GPR21: variants seen among roughly 807,000 people sequenced by gnomAD.
GPR21 encodes the protein probable G protein-coupled receptor 21.
A neutral mutation model predicts 21.5 loss-of-function variants in GPR21; 9 were observed. The ratio of observed to expected loss-of-function variants is 0.42; its 90% CI spans 0.25 to 0.73. The LOEUF (loss-of-function observed/expected upper bound fraction) is 0.73, where lower values mean the gene tolerates loss of function less well. GPR21 is among the 30% of genes least tolerant of loss of function. The pLI is 0.27. For missense variants in GPR21, 416 were observed against 428.9 expected (o/e 0.97, Z 0.27); for synonymous variants, 169 against 159.3 (o/e 1.06, Z -0.46).
chr9:123,037,198 T>C (rs1028628226), downstream of GPR21, among the ~76,000 whole-genome samples: 1 of 152,234 alleles, frequency 6.6e-6, no homozygotes, highest in Non-Finnish European at 1.5e-5. Flanking sequence ...TGGATATTTA[T>C]AAAGCAGGCA....
At chr9:123,038,652 G>A (rs1185920226), downstream of GPR21, among the ~76,000 whole-genome samples, 3 of 151,992 alleles carry the variant, frequency 2.0e-5, no homozygotes, top group East Asian at 5.8e-4. Flanking sequence ...CTGTGGCATT[G>A]AGATTTTTTG....
chr9:123,048,043 G>A, the GPR21 span, among the ~76,000 whole-genome samples: 22 of 145,758 alleles, frequency 1.5e-4, no homozygotes, highest in Non-Finnish European at 2.5e-4. Context: ...AGGTTCAAGC[G>A]ATTCTCCTGC....
At chr9:123,047,177 A>G in the GPR21 span, among the ~76,000 whole-genome samples, 1 of 152,258 alleles carries the variant, frequency 6.6e-6, no homozygotes, top group Non-Finnish European at 1.5e-5. Flanking sequence ...ACTTTCAGCC[A>G]AACGAGTTAA....
In GPR21 at chr9:123,034,702, A is replaced by G; in HGVS notation, c.136A>G (p.Asn46Asp). The G allele has an allele frequency of 6.2e-7, 1 of 1,613,664 alleles. No individual in the cohort carries two copies. The highest frequency in any genetic ancestry group is 8.5e-7 in the Non-Finnish European group (1 of 1,179,544). The change falls in exon 2 of 2, where the codon AAC (asparagine) becomes GAC (aspartate). Residue 46 changes from asparagine to aspartate, a missense_variant. Physicochemically the swap from Asn to Asp is conservative, Grantham distance 23. Transcript: ENST00000616002. ...TCTAACTGTATTGATTATTTCTGGCAACATCATTGTGATTTTTGTATTTCA... is the reference window on the plus strand; with the variant it reads ...TCTAACTGTATTGATTATTTCTGGCGACATCATTGTGATTTTTGTATTTCA... ...VFLTVLIISG[N>D]IIVIFVFHCA...
At chr9:123,043,963 C>T in the GPR21 span, among the ~76,000 whole-genome samples, 12 of 148,278 alleles carry the variant, frequency 8.1e-5, no homozygotes, top group Non-Finnish European at 1.2e-4. Flanking sequence ...TGCAATGGCG[C>T]GATCTCGGCT....
At position 123,034,466 on chromosome 9, in the gene GPR21, A is replaced by T; in HGVS notation, c.-101A>T. The T allele has an allele frequency of 1.4e-6, 1 of 727,624 alleles. No homozygotes were observed. The highest frequency in any genetic ancestry group is 2.4e-6 in the Non-Finnish European group (1 of 425,438). 45.1% of individuals were successfully genotyped at this position (727,624 alleles called of 1,614,324 possible). On this transcript the variant is annotated 5_prime_UTR_variant, in exon 2 of 2. Transcript: ENST00000616002. ...GGAGTAAGGCTCCTCTGGCATTATT[A>T]CACACATGCAAAGCTGACCGCAATG... is the stretch of plus-strand genomic sequence containing the variant.
At chr9:123,041,301 C>G in the GPR21 span, among the ~76,000 whole-genome samples, 3 of 152,154 alleles carry the variant, frequency 2.0e-5, no homozygotes, top group African/African-American at 7.2e-5. Context: ...ACTCCAAAGC[C>G]TATGTTCTTG....
At chr9:123,042,822 A>T in the GPR21 span, among the ~76,000 whole-genome samples, 94,968 of 152,156 alleles carry the variant, frequency 0.62, 36,805 homozygotes, top group Non-Finnish European at 0.86. Flanking sequence ...TCATAATGAA[A>T]AGGCCCATTT....
chr9:123,047,557 T>C, the GPR21 span, among the ~76,000 whole-genome samples: 2 of 152,214 alleles, frequency 1.3e-5, no homozygotes, highest in Non-Finnish European at 2.9e-5. Context: ...GGTTTACTTA[T>C]AGCTTTATAC....
the GPR21 span, among the ~76,000 whole-genome samples, chr9:123,043,741 TA>T: frequency 5.3e-5 from 8 of 151,940 alleles, no homozygotes; most frequent in African/African-American, 1.9e-4. Flanking sequence ...AATAGCAACT[TA>T]AGCATTTTAT....
chr9:123,045,274 C>T, the GPR21 span, among the ~76,000 whole-genome samples: 8 of 152,232 alleles, frequency 5.3e-5, no homozygotes, highest in South Asian at 1.7e-3. Flanking sequence ...ACGGAGGAAA[C>T]CTCAACTGCC....
the GPR21 span, among the ~76,000 whole-genome samples, chr9:123,044,887 G>A: frequency 2.0e-5 from 3 of 151,980 alleles, no homozygotes; most frequent in African/African-American, 4.8e-5. Flanking sequence ...ATGAGATTTC[G>A]TAAAGTATCC....
chr9:123,048,374 G>A, the GPR21 span, among the ~76,000 whole-genome samples: 1 of 152,134 alleles, frequency 6.6e-6, no homozygotes, highest in African/African-American at 2.4e-5. Context: ...GCATTTTCTT[G>A]GAAATAATCC....
chr9:123,035,183 T>C lies in GPR21; in HGVS notation c.617T>C (p.Ile206Thr), dbSNP rs139753767. The change falls in exon 2 of 2, where the codon ATT becomes ACT. Residue 206 changes from isoleucine to threonine, a missense_variant. Transcript: ENST00000616002. ...ATGTTATATGCCCCAGCAGCCCTTA[T>C]TGTCTGCTTCACCTATTTCAACATC... ...VMMLYAPAALIVCFTYFNIFR... is the reference protein window; with the variant it reads ...VMMLYAPAALTVCFTYFNIFR... 192 of 1,613,978 alleles carry C rather than the reference T, an allele frequency of 1.2e-4. No homozygotes were observed. In the African/African-American group the frequency reaches 2.3e-3, roughly 19 times the overall value.
the GPR21 span, among the ~76,000 whole-genome samples, chr9:123,041,848 T>C: frequency 6.6e-6 from 1 of 152,136 alleles, no homozygotes; most frequent in Non-Finnish European, 1.5e-5. Context: ...AAAACAAGAA[T>C]TGATAGAAGC....
At chr9:123,042,602 C>T in the GPR21 span, among the ~76,000 whole-genome samples, 1 of 151,966 alleles carries the variant, frequency 6.6e-6, no homozygotes, top group African/African-American at 2.4e-5. Context: ...TTGTTTGTTT[C>T]AGTAAGCAGG....
chr9:123,041,540 G>C, the GPR21 span, among the ~76,000 whole-genome samples: 1 of 152,140 alleles, frequency 6.6e-6, no homozygotes, highest in Non-Finnish European at 1.5e-5. Context: ...CAGACCTCCT[G>C]CTAAATGTAG....
chr9:123,034,396 T>C lies in GPR21; in HGVS notation c.-171T>C. 1 of 600,928 alleles carries C rather than the reference T, an allele frequency of 1.7e-6. No individual in the cohort carries two copies. The highest frequency in any genetic ancestry group is 2.9e-6 in the Non-Finnish European group (1 of 340,986). 37.2% of individuals were successfully genotyped at this position (600,928 alleles called of 1,614,324 possible). A position where few individuals can be genotyped will look rare whatever the true frequency, so the allele number is the denominator to read the frequency against. ...ATTCCAGGAAGGATTTAAAGGGGAA[T>C]TGCACTGCAGGCAATGCACCAGAGC... On this transcript the variant is annotated 5_prime_UTR_variant, in exon 2 of 2. Coordinates refer to ENST00000616002, the MANE Select transcript of GPR21 (RefSeq NM_005294.3).
At chr9:123,043,502 AAT>A in the GPR21 span, among the ~76,000 whole-genome samples, 1 of 152,216 alleles carries the variant, frequency 6.6e-6, no homozygotes, top group Non-Finnish European at 1.5e-5. Context: ...TTCAGAAAAA[AAT>A]AGAAAATTGA....
Sources: allele counts gnomAD v4.1 joint callset (sites outside exome capture counted in the v4.1 genomes callset), GRCh38; gene constraint gnomAD v4.1.1; transcripts MANE v1.5; gene names NCBI Gene and HGNC (gene_info 2026-07-23, HGNC 2026-07-21).